CSRNP1: variants seen among roughly 807,000 people sequenced by gnomAD.
The protein encoded by CSRNP1 is cysteine and serine rich nuclear protein 1.
CSRNP1 carries 8 observed loss-of-function variants against 25.0 expected under a neutral mutation model. The ratio of observed to expected loss-of-function variants is 0.32; its 90% confidence interval spans 0.19 to 0.58. CSRNP1 has a LOEUF of 0.58. Among genes scored for constraint, CSRNP1 ranks in the 20% least tolerant of loss-of-function variants. The pLI, the probability that CSRNP1 is intolerant of heterozygous loss-of-function variation, is 0.88. For synonymous variants in CSRNP1, 305 were observed against 303.1 expected, an observed-to-expected ratio of 1.01 and a Z score of -0.06; for missense variants, 691 against 773.1, an observed-to-expected ratio of 0.89 and a Z score of 1.26.
chr3:39,143,716 T>G lies in CSRNP1; in HGVS notation c.1109A>C (p.Asp370Ala), dbSNP rs1365640405. 5 of 1,614,148 alleles carry G rather than the reference T, an allele frequency of 3.1e-6. No individual in the cohort carries two copies. Among genetic ancestry groups the G allele is most frequent in the Non-Finnish European group, 4.2e-6 (5 of 1,180,016 alleles). Residue 370 changes from aspartate to alanine, a missense_variant, in exon 5 of 5, where the codon GAC becomes GCC. Coordinates refer to ENST00000273153, the MANE Select transcript of CSRNP1 (RefSeq NM_033027.4). ...SSASGTSEAPDCPTHPGLPGP... is the reference protein window; with the variant it reads ...SSASGTSEAPACPTHPGLPGP... ...AGGCAGGCCTGGGTGGGTGGGGCAGTCAGGAGCCTCACTAGTGCCCGATGC... is the reference window on the plus strand; with the variant it reads ...AGGCAGGCCTGGGTGGGTGGGGCAGGCAGGAGCCTCACTAGTGCCCGATGC...
Position 39,143,907 on chromosome 3 carries a change from A to G in CSRNP1, c.918T>C (p.Ala306=), listed in dbSNP as rs2039460557. 3.1e-6 allele frequency: 5 copies of G among 1,614,220 alleles called. No homozygotes were observed. Among genetic ancestry groups the G allele is most frequent in the Non-Finnish European group, 4.2e-6 (5 of 1,180,030 alleles). Residue 306 remains alanine (A), a synonymous_variant, in exon 5 of 5, where the codon GCT becomes GCC. Coordinates refer to ENST00000273153, the MANE Select transcript of CSRNP1 (RefSeq NM_033027.4). The stretch of plus-strand genomic sequence containing the variant: ...GGGCCTCCAGCTCCCTAAAGCTCTC[A>G]GCCTCCTGTTCCAACTGCAGGCGGG... ...TLTRLQLEQE[A]ESFRELEAPA...
chr3:39,143,190 A>T lies in CSRNP1; in HGVS notation c.1635T>A (p.Pro545=). Residue 545 remains proline (P), a synonymous_variant, in exon 5 of 5, where the codon CCT becomes CCA. Coordinates refer to ENST00000273153, the MANE Select transcript of CSRNP1 (RefSeq NM_033027.4). ...CCAGGAAGCAACTGCTGGCATCCCC[A>T]GGTGGAGACAGGCCAGGCAGGGGGA... ...PHFPLPGLSP[P]GDASSCFLES... 2 of 1,614,222 alleles carry T rather than the reference A, an allele frequency of 1.2e-6. No individual in the cohort carries two copies. The highest frequency in any genetic ancestry group is 1.7e-6 in the Non-Finnish European group (2 of 1,180,038).
intron 1 of CSRNP1, among the ~76,000 whole-genome samples, chr3:39,147,211 C>CTGTGTGTGTGTGTGTG (rs10679310): frequency 2.4e-4 from 35 of 148,442 alleles, no homozygotes; most frequent in African/African-American, 8.0e-4. Context: ...ATCTGTGTGC[C>CTGTGTGTGTGTGTGTG]TGTGTGTGTG....
chr3:39,145,826 T>C (rs1338559986), intron 2 of CSRNP1, among the ~76,000 whole-genome samples: 1 of 152,252 alleles, frequency 6.6e-6, no homozygotes, highest in Non-Finnish European at 1.5e-5. Context: ...CTAAAAATTA[T>C]ATTCTTTTTA....
intron 1 of CSRNP1, chr3:39,151,637 C>A (rs540038438): frequency 6.6e-6 from 1 of 152,446 alleles, no homozygotes; most frequent in Admixed American, 6.5e-5. Context: ...GCCAGTCCCC[C>A]CAAAACACTT....
Position 39,146,652 on chromosome 3 carries a change from G to C in CSRNP1, c.31C>G (p.Gln11Glu). 2 of 1,569,230 alleles carry C rather than the reference G, an allele frequency of 1.3e-6. No homozygotes were observed. The highest frequency in any genetic ancestry group is 8.6e-7 in the Non-Finnish European group (1 of 1,157,016). The change falls in exon 2 of 5, where the codon CAG becomes GAG. Residue 11 changes from glutamine (Q) to glutamate (E), a missense_variant. Gln to Glu is a conservative substitution (Grantham distance 29). Coordinates refer to ENST00000273153, the MANE Select transcript of CSRNP1 (RefSeq NM_033027.4). ...ACCGAGGAGTTGTCCTCATCCAGCT[G>C]GTCAAATTTCCTCTTCAACAGCCCA... MTGLLKRKFD[Q>E]LDEDNSSVSS...
chr3:39,145,158 T>C lies in CSRNP1; in HGVS notation c.304A>G (p.Ser102Gly). Residue 102 changes from serine to glycine, a missense_variant, in exon 3 of 5, where the codon AGT becomes GGT. Transcript: ENST00000273153. Reference protein sequence around the residue: ...FYFPRCQGFTSVPSRGGCTLG... With the variant: ...FYFPRCQGFTGVPSRGGCTLG... The stretch of plus-strand genomic sequence containing the variant: ...GTACAGCCACCACGGCTGGGCACAC[T>C]GGTGAAGCCCTGGCAGCGGGGGAAG... 6.2e-7 allele frequency: 1 copy of C among 1,614,222 alleles called. No individual in the cohort carries two copies.
Position 39,144,384 on chromosome 3 carries a change from G to T in CSRNP1, c.533C>A (p.Ala178Asp), listed in dbSNP as rs765975625. 8 of 1,613,694 alleles carry T rather than the reference G, an allele frequency of 5.0e-6. No homozygotes were observed. In the East Asian group the frequency reaches 1.6e-4, roughly 31 times the overall value. ...GACTGCCAAGTCCTCCTCCACAGAGGCGTCATCAATGGCATCCACCACAGG... is the reference window on the plus strand; with the variant it reads ...GACTGCCAAGTCCTCCTCCACAGAGTCGTCATCAATGGCATCCACCACAGG... ...LPPVVDAIDDASVEEDLAVAV... is the reference protein window; with the variant it reads ...LPPVVDAIDDDSVEEDLAVAV... The change falls in exon 4 of 5, where the codon GCC becomes GAC. Residue 178 changes from alanine (A) to aspartate (D), a missense_variant. Ala to Asp is a moderately radical substitution (Grantham distance 126). Transcript: ENST00000273153.
intron 1 of CSRNP1, chr3:39,149,283 G>A (rs913474875): frequency 6.6e-6 from 1 of 152,158 alleles, no homozygotes; most frequent in Non-Finnish European, 1.5e-5. Flanking sequence ...GGTTCCCCAG[G>A]AGAGGGAGAA....
At position 39,153,439 on chromosome 3, in the gene CSRNP1, T is replaced by C. The variant is rs904813407; in HGVS notation, c.-42A>G. 21 of 329,954 alleles carry C rather than the reference T, an allele frequency of 6.4e-5. No individual in the cohort carries two copies. Among genetic ancestry groups the C allele is most frequent in the Non-Finnish European group, 1.3e-4 (20 of 158,982 alleles). 20.4% of individuals were successfully genotyped at this position (329,954 alleles called of 1,614,324 possible). A position where few individuals can be genotyped will look rare whatever the true frequency, so the allele number is the denominator to read the frequency against. ...GGCCCGAGGCCCCTCGGCGCTCACCTGCAATCCGGACGCTCGCGGAGGACA... is the reference window on the plus strand; with the variant it reads ...GGCCCGAGGCCCCTCGGCGCTCACCCGCAATCCGGACGCTCGCGGAGGACA... On this transcript the variant is annotated splice_region_variant and 5_prime_UTR_variant, in exon 1 of 5. Coordinates refer to ENST00000273153, the MANE Select transcript of CSRNP1 (RefSeq NM_033027.4).
intron 1 of CSRNP1, 43 bp downstream of exon 1, chr3:39,153,395 C>G (rs2039611717): frequency 4.1e-6 from 1 of 242,764 alleles, no homozygotes; most frequent in Non-Finnish European, 8.8e-6. Context: ...TGCCCCCTCC[C>G]CAAAGTCCCG....
chr3:39,154,608 C>G (rs1343569380), upstream of CSRNP1: 2 of 152,690 alleles, frequency 1.3e-5, no homozygotes, highest in Non-Finnish European at 2.9e-5. Flanking sequence ...GCTCAGCTTG[C>G]ACTGCCTCCT....
rs2039467905 is a variant in CSRNP1 at position 39,144,197 on chromosome 3, G to T, written c.720C>A (p.His240Gln). 3 of 1,614,076 alleles carry T rather than the reference G, an allele frequency of 1.9e-6. No individual in the cohort carries two copies. In the African/African-American group the frequency reaches 4.0e-5, roughly 22 times the overall value. ...TCTCAGGGTCGCAGATCCTATCGCA[G>T]TGACAGCCACAATCCTCCCGGGATT... The part of the protein sequence containing the change: ...LRQSREDCGC[H>Q]CDRICDPETC... The change falls in exon 4 of 5, where the codon CAC (histidine) becomes CAA (glutamine). Residue 240 changes from histidine to glutamine, a missense_variant. Coordinates refer to ENST00000273153, the MANE Select transcript of CSRNP1 (RefSeq NM_033027.4).
chr3:39,152,927 T>C (rs1389273154), intron 1 of CSRNP1: 1 of 152,178 alleles, frequency 6.6e-6, no homozygotes, highest in Non-Finnish European at 1.5e-5. Flanking sequence ...CGCGCCTCCC[T>C]CTACGCTCAT....
In CSRNP1 at chr3:39,145,025, T is replaced by G; in HGVS notation, c.437A>C (p.Glu146Ala). ...RHEKLRQRLK[E>A]EKLEMLQWKL... ...CCACTGCAGCATCTCCAACTTCTCC[T>G]CTTTCAAGCGCTGGCGGAGCTTCTC... is the stretch of plus-strand genomic sequence containing the variant. Residue 146 changes from glutamate to alanine, a missense_variant, in exon 3 of 5, where the codon GAG becomes GCG. By Grantham distance (107) the Glu-to-Ala change is moderately radical (BLOSUM62 -1). Coordinates refer to ENST00000273153, the MANE Select transcript of CSRNP1 (RefSeq NM_033027.4). The G allele has an allele frequency of 6.2e-7, 1 of 1,612,070 alleles. No homozygotes were observed. Among genetic ancestry groups the G allele is most frequent in the Non-Finnish European group, 8.5e-7 (1 of 1,178,408 alleles).
At chr3:39,147,532 G>A (rs57467555) in intron 1 of CSRNP1, among the ~76,000 whole-genome samples, 3,664 of 152,104 alleles carry the variant, frequency 0.024, 141 homozygotes, top group African/African-American at 0.082. Context: ...CCTGCCTCCA[G>A]GCCTGTGTGA....
chr3:39,150,964 C>T (rs1460220520), intron 1 of CSRNP1: 1 of 152,162 alleles, frequency 6.6e-6, no homozygotes, highest in African/African-American at 2.4e-5. Flanking sequence ...TGTTCCACCT[C>T]GGAATCCAGA....
At chr3:39,146,369 C>G in intron 2 of CSRNP1, 109 bp downstream of exon 2, 1 of 1,352,074 alleles carries the variant, frequency 7.4e-7, no homozygotes, top group Non-Finnish European at 9.9e-7. Context: ...GAGCTACCGC[C>G]ATGGGGACCT....
chr3:39,153,399 A>G, intron 1 of CSRNP1, 39 bp downstream of exon 1: 1 of 249,866 alleles, frequency 4.0e-6, no homozygotes, highest in Non-Finnish European at 8.6e-6. Context: ...CCCTCCCCAA[A>G]GTCCCGTCCT....
Sources: allele counts gnomAD v4.1 joint callset (sites outside exome capture counted in the v4.1 genomes callset), GRCh38; gene constraint gnomAD v4.1.1; transcripts MANE v1.5; gene names NCBI Gene and HGNC (gene_info 2026-07-23, HGNC 2026-07-21).